PDE11A: variants seen among roughly 807,000 people sequenced by gnomAD.
PDE11A encodes the protein dual 3',5'-cyclic-AMP and -GMP phosphodiesterase 11A.
PDE11A carries 100 observed loss-of-function variants against 100.5 expected under a neutral mutation model. The ratio of observed to expected loss-of-function variants is 1.00; its 90% confidence interval spans 0.85 to 1.18. The LOEUF is 1.18. Among genes scored for constraint, PDE11A ranks in the 50% most tolerant of loss-of-function variants. The pLI, the probability that PDE11A is intolerant of heterozygous loss-of-function variation, is 0.00. For synonymous variants in PDE11A, 381 were observed against 420.8 expected (o/e 0.91, Z 1.16); for missense variants, 1,141 against 1,152.6 (o/e 0.99, Z 0.15).
rs13421772 is a variant in PDE11A, at chr2:178,039,446, G to A, written c.913-24986C>T. Among the ~76,000 whole-genome samples the A allele has an allele frequency of 9.7e-3, 1,473 of 151,920 alleles. 20 individuals carry two copies. The highest frequency in any genetic ancestry group is 0.034 in the African/African-American group (1,401 of 41,400). ...TATTGGGTACCAGACTTAATACCTGGGTGATGAAATAGTTACACAGCAAAC... is the reference window on the plus strand; with the variant it reads ...TATTGGGTACCAGACTTAATACCTGAGTGATGAAATAGTTACACAGCAAAC... On this transcript the variant is annotated intron_variant, in intron 1 of 19. Coordinates refer to ENST00000286063, the MANE Select transcript of PDE11A (RefSeq NM_016953.4).
chr2:177,841,201 C>T (rs2083485373), intron 5 of PDE11A, among the ~76,000 whole-genome samples: 3 of 152,250 alleles, frequency 2.0e-5, no homozygotes, highest in South Asian at 4.1e-4. Context: ...CTTCTCCTTT[C>T]CATCTTTTCT....
rs2079883895 is a variant in PDE11A at position 177,629,449 on chromosome 2, G to GGAA, written c.2759_2760insTTC (p.Ser921dup). The GGAA allele has an allele frequency of 1.9e-6, 3 of 1,613,198 alleles. No individual in the cohort carries two copies. The highest frequency in any genetic ancestry group is 2.5e-6 in the Non-Finnish European group (3 of 1,179,686). On this transcript the variant is annotated inframe_insertion, in exon 20 of 20. Transcript: ENST00000286063. The stretch of plus-strand genomic sequence containing the variant: ...TGGCTACCATAACACTGGCAGGGGA[G>GGAA]GATGAGGCAGTTGAGGCCAGCAGTC...
At chr2:177,649,890 T>C (rs2080283757) in intron 19 of PDE11A, among the ~76,000 whole-genome samples, 1 of 152,156 alleles carries the variant, frequency 6.6e-6, no homozygotes, top group Non-Finnish European at 1.5e-5. Flanking sequence ...CATGAACAGA[T>C]AAAGGAAATA....
At chr2:177,643,908 C>T (rs1484685780) in intron 19 of PDE11A, among the ~76,000 whole-genome samples, 1 of 152,254 alleles carries the variant, frequency 6.6e-6, no homozygotes, top group Non-Finnish European at 1.5e-5. Context: ...AGCCCCAAAC[C>T]TTGGCAGCTT....
chr2:177,717,145 G>A (rs1247443284), intron 12 of PDE11A, among the ~76,000 whole-genome samples: 1 of 152,120 alleles, frequency 6.6e-6, no homozygotes, highest in Admixed American at 6.6e-5. Flanking sequence ...CCCACACACA[G>A]TCACACAAAA....
chr2:177,785,575 G>C (rs2082521633), intron 9 of PDE11A, among the ~76,000 whole-genome samples: 1 of 152,176 alleles, frequency 6.6e-6, no homozygotes, highest in South Asian at 2.1e-4. Context: ...AGCCGAAGTA[G>C]GGCGAGGCAT....
intron 2 of PDE11A, among the ~76,000 whole-genome samples, chr2:178,002,514 C>T (rs1191822957): frequency 2.0e-5 from 3 of 152,120 alleles, no homozygotes. Context: ...AACCAAATAG[C>T]AAGATTATAG....
At chr2:178,097,589 G>A (rs920867997) in intron 2 of PDE11A, among the ~76,000 whole-genome samples, 1 of 152,166 alleles carries the variant, frequency 6.6e-6, no homozygotes, top group Non-Finnish European at 1.5e-5. Flanking sequence ...TTTGAGATGA[G>A]ATTTGGATGG....
At chr2:177,801,400 C>G (rs988115347) in intron 9 of PDE11A, among the ~76,000 whole-genome samples, 4 of 151,966 alleles carry the variant, frequency 2.6e-5, no homozygotes, top group Non-Finnish European at 5.9e-5. Context: ...TGGTGACTAC[C>G]AAAAAGTAGA....
At chr2:177,953,347 C>T (rs1316473203) in intron 2 of PDE11A, 1 of 152,002 alleles carries the variant, frequency 6.6e-6, no homozygotes, top group Non-Finnish European at 1.5e-5. Flanking sequence ...TTTTTCATTC[C>T]AAATAGAAAA....
intron 9 of PDE11A, among the ~76,000 whole-genome samples, chr2:177,778,587 T>C (rs2082410312): frequency 6.6e-6 from 1 of 152,230 alleles, no homozygotes; most frequent in Non-Finnish European, 1.5e-5. Context: ...TTTATATTGA[T>C]GAGCTCCAAA....
At chr2:177,718,090 T>A (rs767855010) in intron 12 of PDE11A, among the ~76,000 whole-genome samples, 15 of 152,244 alleles carry the variant, frequency 9.9e-5, no homozygotes, top group Non-Finnish European at 1.5e-4. Flanking sequence ...CTGGGTAGAT[T>A]TGAGAAGAGG....
At chr2:177,853,714 T>TGTGTGTGTGTGTGTGTGTG (rs1558974124) in intron 5 of PDE11A, among the ~76,000 whole-genome samples, 2 of 16,290 alleles carry the variant, frequency 1.2e-4, no homozygotes, top group Non-Finnish European at 2.5e-4. Flanking sequence ...GTGTGTGTGT[T>TGTGTGTGTGTGTGTGTGTG]TGTGTGTGTG....
chr2:177,762,886 T>C (rs1404276261), intron 10 of PDE11A, among the ~76,000 whole-genome samples: 3 of 152,100 alleles, frequency 2.0e-5, no homozygotes, highest in Non-Finnish European at 4.4e-5. Context: ...GGGCCCTCAA[T>C]ACCTAGCCGC....
intron 2 of PDE11A, among the ~76,000 whole-genome samples, chr2:178,083,538 T>C (rs192356916): frequency 6.6e-4 from 100 of 152,344 alleles, no homozygotes; most frequent in Non-Finnish European, 1.2e-3. Context: ...ACTGGCTATG[T>C]TGGTTTCCAC....
chr2:177,682,721 G>A (rs1683026148), intron 15 of PDE11A, among the ~76,000 whole-genome samples: 1 of 149,996 alleles, frequency 6.7e-6, no homozygotes, highest in Admixed American at 6.6e-5. Context: ...GGTGCTCCAT[G>A]TGAAGATGTT....
intron 18 of PDE11A, among the ~76,000 whole-genome samples, chr2:177,666,721 C>G (rs1011049162): frequency 2.9e-5 from 3 of 101,940 alleles, no homozygotes; most frequent in African/African-American, 9.6e-5. Flanking sequence ...CTGTTCAGAT[C>G]CTTTGCCTAT....
At chr2:177,750,448 A>G (rs2082010508) in intron 10 of PDE11A, among the ~76,000 whole-genome samples, 1 of 152,258 alleles carries the variant, frequency 6.6e-6, no homozygotes, top group Admixed American at 6.5e-5. Flanking sequence ...TTGAAATAGT[A>G]TCAGTGCCAG....
At chr2:178,051,858 T>G (rs2086832271) in intron 1 of PDE11A, among the ~76,000 whole-genome samples, 1 of 152,192 alleles carries the variant, frequency 6.6e-6, no homozygotes, top group Non-Finnish European at 1.5e-5. Context: ...CCCAGATTCA[T>G]AAAGCAAGTC....
Sources: gnomAD v4.1 joint callset for allele counts (sites outside exome capture counted in the v4.1 genomes callset) on GRCh38, gnomAD v4.1.1 for gene constraint, MANE v1.5 for transcripts, NCBI Gene and HGNC (gene_info 2026-07-23, HGNC 2026-07-21) for gene names.